IPO8: variants seen among roughly 807,000 people sequenced by gnomAD.
IPO8 encodes importin 8.
A neutral mutation model predicts 141.2 loss-of-function variants in IPO8; 65 were observed. The observed-to-expected ratio is 0.46, with a 90% CI of 0.38 to 0.57. The LOEUF (loss-of-function observed/expected upper bound fraction) is 0.57. IPO8 is among the 20% of genes least tolerant of loss of function. The probability of loss-of-function intolerance (pLI) is 0.00; values close to 1 mark genes in which losing one functional copy is unlikely to be tolerated. For missense variants in IPO8, 980 were observed against 1,246.8 expected (o/e 0.79, Z 3.22); for synonymous variants, 411 against 420.3 (o/e 0.98, Z 0.27).
chr12:30,664,096 G>A (rs2052926657), intron 13 of IPO8, among the ~76,000 whole-genome samples: 1 of 151,856 alleles, frequency 6.6e-6, no homozygotes, highest in Admixed American at 6.6e-5. Flanking sequence ...TTTTAAACCT[G>A]GTATAGATGA....
At chr12:30,675,544 T>C (rs1248177779) in intron 6 of IPO8, among the ~76,000 whole-genome samples, 1 of 151,794 alleles carries the variant, frequency 6.6e-6, no homozygotes, top group East Asian at 1.9e-4. Context: ...AATGACAGTA[T>C]AGGCCAGGCG....
At position 30,652,183 on chromosome 12, in the gene IPO8, C is replaced by A; in HGVS notation, c.2172+9G>T. 2 of 1,478,564 alleles carry A rather than the reference C, an allele frequency of 1.4e-6. No individual in the cohort carries two copies. Among genetic ancestry groups the A allele is most frequent in the South Asian group, 2.3e-5 (2 of 86,766 alleles). 91.6% of individuals were successfully genotyped at this position (1,478,564 alleles called of 1,614,324 possible). ...GAACCACTGAAACAATAGATTAGGT[C>A]ATGCTTACCTTCCTACACATTGTAA... On this transcript the variant is annotated intron_variant, in intron 19 of 24. Coordinates refer to ENST00000256079, the MANE Select transcript of IPO8 (RefSeq NM_006390.4).
intron 17 of IPO8, among the ~76,000 whole-genome samples, chr12:30,653,880 T>A (rs1014614307): frequency 1.3e-5 from 2 of 151,928 alleles, no homozygotes; most frequent in African/African-American, 4.8e-5. Flanking sequence ...ATTCAAAAGC[T>A]AGCAAAATAA....
Position 30,653,400 on chromosome 12 carries a change from A to T in IPO8, c.1949-308T>A, listed in dbSNP as rs566540203. Among the ~76,000 whole-genome samples the T allele has an allele frequency of 7.9e-5, 12 of 152,188 alleles. No individual in the cohort carries two copies. The South Asian group carries it at 2.3e-3, about 29-fold the overall frequency. ...CTATATTTATAAAACTGTATTAGAAATAGATACAAGAAGGAATAGATTATC... is the reference window on the plus strand; with the variant it reads ...CTATATTTATAAAACTGTATTAGAATTAGATACAAGAAGGAATAGATTATC... On this transcript the variant is annotated intron_variant, in intron 17 of 24. Transcript: ENST00000256079.
chr12:30,690,034 AGTTT>A (rs2053276797), intron 2 of IPO8, among the ~76,000 whole-genome samples: 1 of 152,246 alleles, frequency 6.6e-6, no homozygotes, highest in South Asian at 2.1e-4. Context: ...CTTAAAAGTA[AGTTT>A]CATGTTTAAA....
rs747726315 is a variant in IPO8, at chr12:30,676,554, T to A, written c.673A>T (p.Thr225Ser). 8.1e-6 allele frequency: 13 copies of A among 1,613,240 alleles called. No individual in the cohort carries two copies. The East Asian group carries it at 2.9e-4, about 36-fold the overall frequency. The change falls in exon 6 of 25, where the codon ACC (threonine) becomes TCC (serine). Residue 225 changes from threonine (T) to serine (S), a missense_variant. Physicochemically the swap from Thr to Ser is moderately conservative, Grantham distance 58 (BLOSUM62 1). Around this residue, in one of 3 missense-constraint regions of IPO8, gnomAD observed 924 missense variants for 1,153.9 expected, o/e 0.80. Coordinates refer to ENST00000256079, the MANE Select transcript of IPO8 (RefSeq NM_006390.4). Reference protein sequence around the residue: ...ALPLQLVNNQTMTTWMEIFRT... With the variant: ...ALPLQLVNNQSMTTWMEIFRT... ...AAGATCTCCATCCATGTTGTCATGG[T>A]TTGGTTATTCACTAGCTGAAGAGGC...
intron 6 of IPO8, among the ~76,000 whole-genome samples, 181 bp from the exon 7 acceptor site, chr12:30,674,934 A>G (rs2053099854): frequency 6.6e-6 from 1 of 152,254 alleles, no homozygotes; most frequent in South Asian, 2.1e-4. Context: ...GTAAATTTCA[A>G]CTAAACAATG....
At chr12:30,665,106 T>C (rs2052943756) in intron 13 of IPO8, 114 bp downstream of exon 13, 1 of 640,598 alleles carries the variant, frequency 1.6e-6, no homozygotes. Flanking sequence ...GACATTCTAA[T>C]TGACTCTATT....
intron 23 of IPO8, among the ~76,000 whole-genome samples, chr12:30,633,286 C>T (rs1333512150): frequency 6.6e-6 from 1 of 152,060 alleles, no homozygotes; most frequent in African/African-American, 2.4e-5. Context: ...TTTAATAACC[C>T]TCATAATGGT....
At position 30,665,827 on chromosome 12, in the gene IPO8, C is replaced by T; in HGVS notation, c.1240G>A (p.Ala414Thr). 3 of 1,612,802 alleles carry T rather than the reference C, an allele frequency of 1.9e-6. No individual in the cohort carries two copies. Among genetic ancestry groups the T allele is most frequent in the Non-Finnish European group, 2.5e-6 (3 of 1,179,110 alleles). ...TCTGTCAGGATTTGATAACAGAATG[C>T]CATCATTTTTGGCAACACCTAAAGA... ...KRKEVLPKMM[A>T]FCYQILTDPN... The change falls in exon 12 of 25, where the codon GCA (alanine) becomes ACA (threonine). Residue 414 changes from alanine (A) to threonine (T), a missense_variant. By Grantham distance (58) the Ala-to-Thr change is moderately conservative. Transcript: ENST00000256079.
intron 23 of IPO8, among the ~76,000 whole-genome samples, chr12:30,633,568 T>G (rs987365518): frequency 1.3e-5 from 2 of 152,228 alleles, no homozygotes; most frequent in Non-Finnish European, 2.9e-5. Context: ...TGGCAAATAT[T>G]TTCTCCCCCC....
intron 7 of IPO8, 54 bp downstream of exon 7, chr12:30,674,605 T>C (rs370187745): frequency 1.6e-6 from 2 of 1,265,766 alleles, no homozygotes; most frequent in African/African-American, 1.5e-5. Flanking sequence ...GATAATCATA[T>C]CTGATACTGA....
Position 30,639,569 on chromosome 12 carries a change from G to A in IPO8, c.2435C>T (p.Pro812Leu). Residue 812 changes from proline to leucine, a missense_variant, in exon 21 of 25, where the codon CCT becomes CTT. By Grantham distance (98) the Pro-to-Leu change is moderately conservative. Coordinates refer to ENST00000256079, the MANE Select transcript of IPO8 (RefSeq NM_006390.4). ...ERIQLPHNPGPITVQFINQWM... is the reference protein window; with the variant it reads ...ERIQLPHNPGLITVQFINQWM... ...TTGATTTATAAACTGTACAGTGATA[G>A]GTCCAGGGTTGTGAGGCAACTGAAT... The A allele has an allele frequency of 1.2e-6, 2 of 1,614,030 alleles. No homozygotes were observed. Among genetic ancestry groups the A allele is most frequent in the Non-Finnish European group, 1.7e-6 (2 of 1,179,886 alleles).
intron 14 of IPO8, among the ~76,000 whole-genome samples, chr12:30,663,263 A>T (rs1185973206): frequency 6.6e-6 from 1 of 152,138 alleles, no homozygotes; most frequent in Non-Finnish European, 1.5e-5. Context: ...TGCCCAGCCT[A>T]TCCTAGGGCC....
At chr12:30,657,939 G>A (rs1480832469) in intron 16 of IPO8, among the ~76,000 whole-genome samples, 1 of 152,108 alleles carries the variant, frequency 6.6e-6, no homozygotes, top group Non-Finnish European at 1.5e-5. Flanking sequence ...TTCCAGAGAG[G>A]AGAATTAGAT....
intron 2 of IPO8, among the ~76,000 whole-genome samples, chr12:30,690,032 T>A (rs2053276738): frequency 6.6e-6 from 1 of 152,190 alleles, no homozygotes; most frequent in South Asian, 2.1e-4. Flanking sequence ...GACTTAAAAG[T>A]AAGTTTCATG....
intron 22 of IPO8, among the ~76,000 whole-genome samples, chr12:30,635,331 C>T (rs564269398): frequency 1.3e-5 from 2 of 152,030 alleles, no homozygotes; most frequent in East Asian, 3.9e-4. Flanking sequence ...ATGTTCCCAC[C>T]ATTAAAAAGG....
Position 30,695,410 on chromosome 12 carries a change from C to T in IPO8, c.84+154G>A, listed in dbSNP as rs888969785. Reference sequence around the variant, plus strand: ...TCCTGGGAGCCCTGCTCCACTGGACCGGGGGGCAGCGGGGTCGGAGAGCGG... The same window carrying T: ...TCCTGGGAGCCCTGCTCCACTGGACTGGGGGGCAGCGGGGTCGGAGAGCGG... On this transcript the variant is annotated intron_variant, in intron 1 of 24. Transcript: ENST00000256079. This position sits in a 1 kb window ranked among gnomAD's most constrained non-coding sequence, Gnocchi z 4.2. Among the ~76,000 whole-genome samples, 3 of 152,130 alleles carry T rather than the reference C, an allele frequency of 2.0e-5. No homozygotes were observed. Among genetic ancestry groups the T allele is most frequent in the Admixed American group, 6.5e-5 (1 of 15,286 alleles).
chr12:30,690,606 A>G (rs767946679), intron 1 of IPO8, 29 bp from the exon 2 acceptor site: 3 of 1,241,230 alleles, frequency 2.4e-6, no homozygotes, highest in African/African-American at 3.1e-5. Flanking sequence ...GTTTTATAAA[A>G]TAGGGCAATA....
Sources: gnomAD v4.1 joint callset for allele counts (sites outside exome capture counted in the v4.1 genomes callset) on GRCh38, gnomAD v4.1.1 for gene constraint, gnomAD v4.1.1 regional missense constraint, Gnocchi (gnomAD v3.1) non-coding constraint, MANE v1.5 for transcripts, NCBI Gene and HGNC (gene_info 2026-07-23, HGNC 2026-07-21) for gene names.